The following PRKG1 variants were observed in gnomAD, a reference collection of about 807,000 sequenced individuals.
PRKG1 encodes cGMP-dependent protein kinase 1.
In PRKG1, 35 loss-of-function variants were observed where a neutral mutation model predicts 88.1. That is an observed-to-expected ratio of 0.40 (90% CI 0.30 to 0.53). The LOEUF is 0.53. PRKG1 is among the 20% of genes least tolerant of loss of function. The probability of loss-of-function intolerance (pLI) is 0.59; values close to 1 mark genes in which losing one functional copy is unlikely to be tolerated. For synonymous variants in PRKG1, 303 were observed against 292.5 expected (o/e 1.04, Z -0.37); for missense variants, 540 against 839.8 (o/e 0.64, Z 4.41).
At chr10:51,501,581 T>C (rs1348834311) in intron 3 of PRKG1, among the ~76,000 whole-genome samples, 1 of 152,146 alleles carries the variant, frequency 6.6e-6, no homozygotes, top group Non-Finnish European at 1.5e-5. Context: ...ATTTCTATTG[T>C]ACCAGCCATG....
At chr10:52,239,335 TAAATA>T (rs1840784641) in intron 9 of PRKG1, among the ~76,000 whole-genome samples, 2 of 56,146 alleles carry the variant, frequency 3.6e-5, no homozygotes, top group African/African-American at 8.5e-5. Context: ...AAAAAATAAA[TAAATA>T]AAATTAAAAA....
rs920844330 is a variant in PRKG1 at position 52,297,238 on chromosome 10, C to T, written c.*3338C>T. 6.6e-6 allele frequency: 1 copy of T among 151,790 alleles called. No homozygotes were observed. The highest frequency in any genetic ancestry group is 2.4e-5 in the African/African-American group (1 of 41,300). The allele number at this position is 151,790 out of a possible 1,614,324, so 9.4% of individuals were successfully genotyped here. Reference sequence around the variant, plus strand: ...TTGTATTGAATAATGTTTTTAGGTCCAAGTAGACTTGAATTAATGTCATAA... The same window carrying T: ...TTGTATTGAATAATGTTTTTAGGTCTAAGTAGACTTGAATTAATGTCATAA... On this transcript the variant is annotated 3_prime_UTR_variant, in exon 18 of 18. Coordinates refer to ENST00000373980, the MANE Select transcript of PRKG1 (RefSeq NM_006258.4).
chr10:51,653,582 T>C (rs547931861), intron 3 of PRKG1, among the ~76,000 whole-genome samples: 2 of 152,326 alleles, frequency 1.3e-5, no homozygotes, highest in East Asian at 1.9e-4. Context: ...TTCTTTTTTT[T>C]CCTTTGTAGA....
intron 3 of PRKG1, among the ~76,000 whole-genome samples, chr10:51,794,598 C>G (rs1483015867): frequency 1.3e-5 from 2 of 151,884 alleles, no homozygotes; most frequent in African/African-American, 4.8e-5. Context: ...ACATTGTATT[C>G]TTGAAAAATG....
chr10:51,390,992 T>C (rs775903500), intron 2 of PRKG1, among the ~76,000 whole-genome samples: 2 of 152,216 alleles, frequency 1.3e-5, no homozygotes, highest in Non-Finnish European at 2.9e-5. Context: ...GATTTAGTCT[T>C]CGTAAACATC....
intron 3 of PRKG1, among the ~76,000 whole-genome samples, chr10:51,599,559 C>G (rs1838543826): frequency 6.6e-6 from 1 of 152,146 alleles, no homozygotes; most frequent in Non-Finnish European, 1.5e-5. Context: ...TATTACAACA[C>G]TGTATCTTTC....
At chr10:51,982,990 G>A (rs1844052032) in intron 5 of PRKG1, among the ~76,000 whole-genome samples, 1 of 152,162 alleles carries the variant, frequency 6.6e-6, no homozygotes, top group Non-Finnish European at 1.5e-5. Flanking sequence ...TGTTAATATG[G>A]GGATGGGGCA....
chr10:51,193,364 C>T (rs1454658197), intron 2 of PRKG1, among the ~76,000 whole-genome samples: 1 of 151,964 alleles, frequency 6.6e-6, no homozygotes, highest in African/African-American at 2.4e-5. Flanking sequence ...AGAGTAGGGT[C>T]AGGGGATCTT....
intron 2 of PRKG1, among the ~76,000 whole-genome samples, chr10:51,416,803 A>G (rs1309436382): frequency 6.6e-6 from 1 of 152,180 alleles, no homozygotes; most frequent in Non-Finnish European, 1.5e-5. Context: ...GTTTTGAAGA[A>G]GGTCAGAACT....
At chr10:51,945,915 A>G (rs1843021186) in intron 5 of PRKG1, among the ~76,000 whole-genome samples, 1 of 150,558 alleles carries the variant, frequency 6.6e-6, no homozygotes, top group African/African-American at 2.5e-5. Context: ...AACTTTGGTG[A>G]ATCTGACAAT....
At chr10:51,132,048 G>A (rs1251129629) in intron 1 of PRKG1, among the ~76,000 whole-genome samples, 2 of 151,952 alleles carry the variant, frequency 1.3e-5, no homozygotes, top group Non-Finnish European at 2.9e-5. Context: ...GTCTTAGCTC[G>A]GGAAATAAAC....
intron 3 of PRKG1, among the ~76,000 whole-genome samples, chr10:51,531,452 C>A (rs1842013336): frequency 6.6e-6 from 1 of 152,006 alleles, no homozygotes; most frequent in South Asian, 2.1e-4. Context: ...TTTCACTCTG[C>A]AGAAATAAGA....
At chr10:51,737,734 T>TTAA (rs1292691827) in intron 3 of PRKG1, among the ~76,000 whole-genome samples, 247 of 140,268 alleles carry the variant, frequency 1.8e-3, no homozygotes, top group Non-Finnish European at 2.7e-3. Context: ...TATTTATTTA[T>TTAA]TTATTAATTA....
At chr10:51,478,639 C>T (rs1424758259) in intron 3 of PRKG1, among the ~76,000 whole-genome samples, 1 of 150,202 alleles carries the variant, frequency 6.7e-6, no homozygotes, top group Non-Finnish European at 1.5e-5. Context: ...TCGTTTAATA[C>T]TGTGAGGCAA....
chr10:52,016,407 A>G (rs1845041474), intron 5 of PRKG1, among the ~76,000 whole-genome samples: 1 of 152,190 alleles, frequency 6.6e-6, no homozygotes, highest in South Asian at 2.1e-4. Flanking sequence ...AGCATTAGGG[A>G]AACTGCCCCC....
rs1272165991 is a variant in PRKG1, at chr10:52,296,117, G to T, written c.*2217G>T. 1 of 151,966 alleles carries T rather than the reference G, an allele frequency of 6.6e-6. No homozygotes were observed. The highest frequency in any genetic ancestry group is 2.1e-4 in the South Asian group (1 of 4,818). 9.4% of individuals were successfully genotyped at this position (151,966 alleles called of 1,614,324 possible). On this transcript the variant is annotated 3_prime_UTR_variant, in exon 18 of 18. Transcript: ENST00000373980. ...TTTGTTGAAAGATAATGTGGTTTAG[G>T]CTTGCTAAAGAAAGGCTTGCTAGAA... is the stretch of plus-strand genomic sequence containing the variant.
Position 51,697,915 on chromosome 10 carries a change from T to C in PRKG1, c.593-106670T>C, listed in dbSNP as rs572267038. 1.1e-5 allele frequency: 17 copies of C among 1,599,330 alleles called. No homozygotes were observed. The South Asian group carries it at 1.9e-4, about 18-fold the overall frequency. Reference sequence around the variant, plus strand: ...GCTTGCTTGCCCCCTGTATACCTCCTCCTTGTATACCTCCTCCTTGTATAC... The same window carrying C: ...GCTTGCTTGCCCCCTGTATACCTCCCCCTTGTATACCTCCTCCTTGTATAC... On this transcript the variant is annotated intron_variant, in intron 3 of 17. Coordinates refer to ENST00000373980, the MANE Select transcript of PRKG1 (RefSeq NM_006258.4).
At chr10:52,233,074 C>T (rs871995) in intron 9 of PRKG1, among the ~76,000 whole-genome samples, 38,446 of 151,650 alleles carry the variant, frequency 0.25, 5,025 homozygotes, top group Non-Finnish European at 0.27. Flanking sequence ...ATAGTTTCTT[C>T]TATTATCAAA....
intron 3 of PRKG1, among the ~76,000 whole-genome samples, chr10:51,525,054 G>T (rs1841840806): frequency 6.6e-6 from 1 of 152,008 alleles, no homozygotes; most frequent in Admixed American, 6.6e-5. Flanking sequence ...AAACATATCT[G>T]AATCACCTAT....
Sources: allele counts gnomAD v4.1 joint callset (sites outside exome capture counted in the v4.1 genomes callset), GRCh38; gene constraint gnomAD v4.1.1; transcripts MANE v1.5; gene names NCBI Gene and HGNC (gene_info 2026-07-23, HGNC 2026-07-21).